Variants in ZFHX3 observed in about 807,000 individuals in gnomAD.
The protein encoded by ZFHX3 is zinc finger homeobox protein 3.
A neutral mutation model predicts 279.1 loss-of-function variants in ZFHX3; 42 were observed. That is an observed-to-expected ratio of 0.15 (90% CI 0.12 to 0.19). The LOEUF is 0.19. Among genes scored for constraint, ZFHX3 ranks in the 10% least tolerant of loss-of-function variants. ZFHX3 has a pLI of 1.00. For synonymous variants in ZFHX3, 2,293 were observed against 1,957.8 expected (o/e 1.17, Z -4.52); for missense variants, 4,981 against 4,754.0 (o/e 1.05, Z -1.40).
chr16:72,896,463 G>A (rs551314528), intron 3 of ZFHX3, among the ~76,000 whole-genome samples: 10 of 152,196 alleles, frequency 6.6e-5, no homozygotes, highest in East Asian at 3.9e-4. Flanking sequence ...AGGGGCTGGC[G>A]CGTAACACCA....
intron 1 of ZFHX3, among the ~76,000 whole-genome samples, chr16:73,775,042 G>C (rs192414892): frequency 1.3e-5 from 2 of 151,818 alleles, no homozygotes; most frequent in African/African-American, 4.8e-5. Flanking sequence ...TTCCATCCCC[G>C]CCTCTTCTCA....
chr16:73,137,021 T>A (rs927805562), intron 6 of ZFHX3, among the ~76,000 whole-genome samples: 2 of 152,034 alleles, frequency 1.3e-5, no homozygotes, highest in Non-Finnish European at 2.9e-5. Context: ...TTTACTGTTT[T>A]CTGTTATGGA....
intron 1 of ZFHX3, among the ~76,000 whole-genome samples, chr16:73,813,421 G>A (rs1163121210): frequency 6.6e-6 from 1 of 151,746 alleles, no homozygotes. Flanking sequence ...TCTTGATCAG[G>A]GAATTGGCTG....
At chr16:73,619,953 C>T (rs1024882496) in intron 2 of ZFHX3, among the ~76,000 whole-genome samples, 4 of 152,152 alleles carry the variant, frequency 2.6e-5, no homozygotes, top group Non-Finnish European at 5.9e-5. Flanking sequence ...ATCTAGCACC[C>T]TAGTAGGCTT....
At chr16:73,699,639 T>C (rs2053229039) in intron 1 of ZFHX3, among the ~76,000 whole-genome samples, 1 of 152,238 alleles carries the variant, frequency 6.6e-6, no homozygotes, top group Non-Finnish European at 1.5e-5. Context: ...GTAAGTGTAT[T>C]AATTCATTTA....
At chr16:73,454,204 A>G (rs1393344830) in intron 3 of ZFHX3, among the ~76,000 whole-genome samples, 1 of 152,182 alleles carries the variant, frequency 6.6e-6, no homozygotes, top group Non-Finnish European at 1.5e-5. Context: ...CATGGCAACA[A>G]TAGATAAGAG....
chr16:73,774,190 A>T (rs1333395626), intron 1 of ZFHX3, among the ~76,000 whole-genome samples: 3 of 152,132 alleles, frequency 2.0e-5, no homozygotes, highest in East Asian at 3.8e-4. Flanking sequence ...TTATTTACTC[A>T]TGACTCCTTG....
At chr16:72,988,114 C>T (rs62053226) in intron 1 of ZFHX3, among the ~76,000 whole-genome samples, 7,772 of 152,276 alleles carry the variant, frequency 0.051, 271 homozygotes, top group Non-Finnish European at 0.075. Flanking sequence ...GGAAACCCGC[C>T]CAACAGGGCC....
intron 3 of ZFHX3, chr16:73,401,310 T>G (rs2017246023): frequency 6.6e-6 from 1 of 150,486 alleles, no homozygotes; most frequent in African/African-American, 2.5e-5. Flanking sequence ...CCGCACTGTC[T>G]CCAGTCACGA....
intron 1 of ZFHX3, among the ~76,000 whole-genome samples, chr16:73,887,192 C>G (rs1216137554): frequency 6.6e-6 from 1 of 152,086 alleles, no homozygotes; most frequent in Non-Finnish European, 1.5e-5. Context: ...CAAAATATCA[C>G]CTTATTCACA....
intron 1 of ZFHX3, among the ~76,000 whole-genome samples, chr16:73,810,249 T>G (rs1383427196): frequency 1.3e-5 from 2 of 152,226 alleles, no homozygotes; most frequent in East Asian, 3.8e-4. Context: ...TAGCTCTCAA[T>G]CAAATAGTCT....
chr16:72,820,628 T>G (rs932313474), intron 5 of ZFHX3, among the ~76,000 whole-genome samples: 1 of 152,236 alleles, frequency 6.6e-6, no homozygotes, highest in Non-Finnish European at 1.5e-5. Flanking sequence ...TTTGGCCTCT[T>G]GTTGGTTCCC....
rs2144454647 is a variant in ZFHX3 at position 72,959,665 on chromosome 16, T to C, written c.481A>G (p.Ser161Gly). 5 of 1,613,936 alleles carry C rather than the reference T, an allele frequency of 3.1e-6. No homozygotes were observed. The highest frequency in any genetic ancestry group is 4.2e-6 in the Non-Finnish European group (5 of 1,180,012). ...AGCGAGGGGAGAGGCCCACTGCCAC[T>C]GCCACTCCCACAGGCGCCCCCGCCC... ...TQGGGACGSG[S>G]GSGPLPSLFL... The change falls in exon 2 of 10, where the codon AGT (serine) becomes GGT (glycine). Residue 161 changes from serine (S) to glycine (G), a missense_variant. By Grantham distance (56) the Ser-to-Gly change is moderately conservative. This residue lies in a region of ZFHX3 where 1,068 missense variants were observed against 935.2 expected (regional missense o/e 1.14). Coordinates refer to ENST00000268489, the MANE Select transcript of ZFHX3 (RefSeq NM_006885.4).
At chr16:73,634,574 T>C (rs2052511360) in intron 2 of ZFHX3, among the ~76,000 whole-genome samples, 1 of 151,894 alleles carries the variant, frequency 6.6e-6, no homozygotes, top group Non-Finnish European at 1.5e-5. Flanking sequence ...TAGCATTTTG[T>C]ATCAGCAGGT....
At chr16:72,990,545 C>G (rs1054433395) in intron 1 of ZFHX3, among the ~76,000 whole-genome samples, 1 of 152,214 alleles carries the variant, frequency 6.6e-6, no homozygotes, top group African/African-American at 2.4e-5. Flanking sequence ...CTTGCTGTAG[C>G]TGCTGAGCGA....
chr16:73,864,808 A>G (rs1296330220), intron 1 of ZFHX3, among the ~76,000 whole-genome samples: 4 of 150,742 alleles, frequency 2.7e-5, no homozygotes, highest in African/African-American at 9.7e-5. Flanking sequence ...CCAATACCCA[A>G]TAAAGTAATA....
intron 3 of ZFHX3, among the ~76,000 whole-genome samples, chr16:73,322,316 C>A (rs1483025307): frequency 6.6e-6 from 1 of 151,784 alleles, no homozygotes; most frequent in African/African-American, 2.4e-5. Context: ...ACTTTTCACA[C>A]GTTTAATGGC....
At chr16:73,844,476 T>C (rs1258923550) in intron 1 of ZFHX3, among the ~76,000 whole-genome samples, 1 of 152,162 alleles carries the variant, frequency 6.6e-6, no homozygotes, top group Non-Finnish European at 1.5e-5. Context: ...ACTTCCTATG[T>C]GACAGGAATT....
Position 72,796,808 on chromosome 16 carries a change from G to T in ZFHX3, c.5874C>A (p.Ile1958=). The change falls in exon 9 of 10, where the codon ATC becomes ATA. Residue 1958 remains isoleucine, a synonymous_variant. Transcript: ENST00000268489. ...CCTTCTGCTTGTTCTCATTATACTG[G>T]ATGACCAACTCAAAGCCAAAGTTCT... ...LLENFGFELV[I]QYNENKQKVQ... The T allele has an allele frequency of 6.2e-7, 1 of 1,613,212 alleles. No individual in the cohort carries two copies. Among genetic ancestry groups the T allele is most frequent in the Middle Eastern group, 1.6e-4 (1 of 6,062 alleles).
Sources: gnomAD v4.1 joint callset for allele counts (sites outside exome capture counted in the v4.1 genomes callset) on GRCh38, gnomAD v4.1.1 for gene constraint, gnomAD v4.1.1 regional missense constraint, MANE v1.5 for transcripts, NCBI Gene and HGNC (gene_info 2026-07-23, HGNC 2026-07-21) for gene names.